JPH2: variants seen among roughly 807,000 people sequenced by gnomAD.
JPH2 encodes the protein junctophilin-2.
JPH2 carries 38 observed loss-of-function variants against 55.9 expected under a neutral mutation model. That is an observed-to-expected ratio of 0.68 (90% CI 0.52 to 0.89). JPH2 has a LOEUF of 0.89. Ranked by LOEUF, JPH2 falls within the 40% of genes least tolerant of loss-of-function variation. JPH2 has a pLI of 0.00. For missense variants in JPH2, 964 were observed against 1,037.6 expected (o/e 0.93, Z 0.97); for synonymous variants, 480 against 472.4 (o/e 1.02, Z -0.21).
rs1158318107 is a variant in JPH2, at chr20:44,116,102, T to C, written c.1573A>G (p.Thr525Ala). 21 of 1,492,566 alleles carry C rather than the reference T, an allele frequency of 1.4e-5. No homozygotes were observed. In the South Asian group the frequency reaches 2.6e-4, roughly 19 times the overall value. The allele number at this position is 1,492,566 out of a possible 1,614,324, so 92.5% of individuals were successfully genotyped here. A position where few individuals can be genotyped will look rare whatever the true frequency, so the allele number is the denominator to read the frequency against. The change falls in exon 4 of 6, where the codon ACT becomes GCT. Residue 525 changes from threonine (T) to alanine (A), a missense_variant. Thr to Ala is a moderately conservative substitution (Grantham distance 58). Transcript: ENST00000372980. ...EPSGEGSRSVTPSEGAGRRSP... is the reference protein window; with the variant it reads ...EPSGEGSRSVAPSEGAGRRSP... ...CGGCGGCCCGCGCCCTCGGACGGAG[T>C]GACTGACCGGCTGCCCTCACCGCTG...
At chr20:44,127,236 T>G (rs2072283344) in intron 2 of JPH2, among the ~76,000 whole-genome samples, 1 of 152,202 alleles carries the variant, frequency 6.6e-6, no homozygotes, top group Admixed American at 6.5e-5. Context: ...GCTTTCCACT[T>G]TTTGGTTACT....
At position 44,186,673 on chromosome 20, in the gene JPH2, T is replaced by A; in HGVS notation, c.33A>T (p.Gly11=). 7.2e-7 allele frequency: 1 copy of A among 1,388,182 alleles called. No homozygotes were observed. The highest frequency in any genetic ancestry group is 9.5e-7 in the Non-Finnish European group (1 of 1,048,250). 86.0% of individuals were successfully genotyped at this position (1,388,182 alleles called of 1,614,324 possible). A position where few individuals can be genotyped will look rare whatever the true frequency, so the allele number is the denominator to read the frequency against. Residue 11 remains glycine (G), a synonymous_variant, in exon 1 of 6, where the codon GGA becomes GGT. Coordinates refer to ENST00000372980, the MANE Select transcript of JPH2 (RefSeq NM_020433.5). MSGGRFDFDD[G]GAYCGGWEGG... ...CCTCCCAGCCCCCGCAGTACGCCCC[T>A]CCATCATCAAAGTCGAAGCGGCCCC...
At chr20:44,120,317 A>G (rs187422926) in intron 2 of JPH2, among the ~76,000 whole-genome samples, 1 of 152,266 alleles carries the variant, frequency 6.6e-6, no homozygotes, top group East Asian at 1.9e-4. Flanking sequence ...ACGTGACAGG[A>G]GCAAATTTTA....
chr20:44,125,440 C>G (rs531437111), intron 2 of JPH2, among the ~76,000 whole-genome samples: 1 of 152,302 alleles, frequency 6.6e-6, no homozygotes, highest in South Asian at 2.1e-4. Flanking sequence ...CACATATGGC[C>G]TCAGAGAGCT....
At chr20:44,167,049 C>G (rs1008285494) in intron 1 of JPH2, among the ~76,000 whole-genome samples, 2 of 152,240 alleles carry the variant, frequency 1.3e-5, no homozygotes, top group African/African-American at 4.8e-5. Flanking sequence ...ACATGCTCTT[C>G]TCTTCCCTCT....
At chr20:44,129,648 GGCCCCAAAGATATTT>G (rs1569189277) in intron 2 of JPH2, among the ~76,000 whole-genome samples, 2 of 151,782 alleles carry the variant, frequency 1.3e-5, no homozygotes, top group Non-Finnish European at 2.9e-5. Flanking sequence ...AATGAATAAT[GGCCCCAAAGATATTT>G]GGTCCTAGTG....
In JPH2 at chr20:44,116,364, C is replaced by A; in HGVS notation, c.1311G>T (p.Arg437=). The A allele has an allele frequency of 6.5e-7, 1 of 1,547,912 alleles. No individual in the cohort carries two copies. Among genetic ancestry groups the A allele is most frequent in the Non-Finnish European group, 8.7e-7 (1 of 1,146,694 alleles). Residue 437 remains arginine, a synonymous_variant, in exon 4 of 6, where the codon CGG becomes CGT. Transcript: ENST00000372980. ...YQPGPEYQKR[R]LLQEILENSE... is the part of the protein sequence containing the mutation. ...AGTTCTCCAGGATCTCCTGCAGCAG[C>A]CGGCGCTTCTGATATTCCGGACCTG...
At chr20:44,114,609 T>TGTGTGCGC (rs1491581575) in intron 5 of JPH2, among the ~76,000 whole-genome samples, 173 bp downstream of exon 5, 3 of 144,072 alleles carry the variant, frequency 2.1e-5, no homozygotes, top group African/African-American at 7.7e-5. Flanking sequence ...TGTGTGTGTG[T>TGTGTGCGC]GCGCTGGTAT....
At chr20:44,133,833 C>G (rs1464440464) in intron 2 of JPH2, among the ~76,000 whole-genome samples, 1 of 128,908 alleles carries the variant, frequency 7.8e-6, no homozygotes, top group Non-Finnish European at 1.6e-5. Flanking sequence ...TAAATATATA[C>G]TTATTATAAA....
chr20:44,175,352 C>T (rs1357697872), intron 1 of JPH2, among the ~76,000 whole-genome samples: 1 of 152,202 alleles, frequency 6.6e-6, no homozygotes, highest in Non-Finnish European at 1.5e-5. Flanking sequence ...TTTTTAAAGT[C>T]CTGTTGTACT....
chr20:44,117,978 C>G (rs1600830516), intron 3 of JPH2, among the ~76,000 whole-genome samples: 1 of 152,206 alleles, frequency 6.6e-6, no homozygotes, highest in Non-Finnish European at 1.5e-5. Context: ...GGTTAAACAC[C>G]TCACTCAAAG....
intron 2 of JPH2, among the ~76,000 whole-genome samples, chr20:44,140,708 C>T (rs1307494952): frequency 1.6e-5 from 2 of 127,520 alleles, no homozygotes; most frequent in Non-Finnish European, 3.5e-5. Context: ...ATTATGGAAA[C>T]ACCTGGGAGA....
chr20:44,159,496 G>A lies in JPH2; in HGVS notation c.1169+122C>T. The stretch of plus-strand genomic sequence containing the variant: ...CCCGAAGAGCCTCCAATTAACCCCT[G>A]AAGGTGATGGGGGTAAAAGAAGCAG... On this transcript the variant is annotated intron_variant, in intron 2 of 5. Transcript: ENST00000372980. The surrounding 1 kb of genome is among the most constrained non-coding windows in gnomAD (Gnocchi z 5.7). The A allele has an allele frequency of 1.9e-6, 2 of 1,029,468 alleles. No homozygotes were observed. Among genetic ancestry groups the A allele is most frequent in the Non-Finnish European group, 1.4e-6 (1 of 698,306 alleles). 63.8% of individuals were successfully genotyped at this position (1,029,468 alleles called of 1,614,324 possible). A position where few individuals can be genotyped will look rare whatever the true frequency, so the allele number is the denominator to read the frequency against.
At position 44,160,981 on chromosome 20, in the gene JPH2, T is replaced by C. The variant is rs1488644108; in HGVS notation, c.380-574A>G. Among the ~76,000 whole-genome samples the C allele has an allele frequency of 2.6e-5, 4 of 151,808 alleles. No individual in the cohort carries two copies. The highest frequency in any genetic ancestry group is 1.3e-4 in the Admixed American group (2 of 15,252). ...GTCCCAGCTACTAGAGAGGCTGAGGTGGGAGGATCACCTGAGCCCGGGAGG... is the reference window on the plus strand; with the variant it reads ...GTCCCAGCTACTAGAGAGGCTGAGGCGGGAGGATCACCTGAGCCCGGGAGG... On this transcript the variant is annotated intron_variant, in intron 1 of 5. Coordinates refer to ENST00000372980, the MANE Select transcript of JPH2 (RefSeq NM_020433.5). This position sits in a 1 kb window ranked among gnomAD's most constrained non-coding sequence, Gnocchi z 4.9.
At chr20:44,162,813 C>CACACACACACACACACACACAT in intron 1 of JPH2, among the ~76,000 whole-genome samples, 1 of 113,562 alleles carries the variant, frequency 8.8e-6, no homozygotes, top group Admixed American at 1.0e-4. Context: ...CACACACACA[C>CACACACACACACACACACACAT]ACACACACAC....
chr20:44,107,887 T>G lies in JPH2; in HGVS notation c.*5631A>C, dbSNP rs1241312852. On this transcript the variant is annotated 3_prime_UTR_variant, in exon 6 of 6. Coordinates refer to ENST00000372980, the MANE Select transcript of JPH2 (RefSeq NM_020433.5). ...TTTCTAAACCCTTAGGATATCCTGA[T>G]TAACAGGAGTGTCTTTGTTATTCAT... 1.3e-5 allele frequency among the ~76,000 whole-genome samples: 2 copies of G among 152,210 alleles called. No homozygotes were observed. Among genetic ancestry groups the G allele is most frequent in the African/African-American group, 2.4e-5 (1 of 41,448 alleles).
intron 4 of JPH2, 103 bp from the exon 5 acceptor site, chr20:44,114,979 C>T: frequency 1.2e-6 from 1 of 858,420 alleles, no homozygotes; most frequent in Non-Finnish European, 1.9e-6. Flanking sequence ...CTGGATGGAC[C>T]TTCCTAAGAG....
At chr20:44,173,387 T>C (rs1362367128) in intron 1 of JPH2, among the ~76,000 whole-genome samples, 1 of 152,050 alleles carries the variant, frequency 6.6e-6, no homozygotes, top group Non-Finnish European at 1.5e-5. Context: ...TGCCTCAGTA[T>C]AAAAAAGCCA....
At position 44,159,477 on chromosome 20, in the gene JPH2, G is replaced by A; in HGVS notation, c.1169+141C>T. ...TGAACAGGAGCCACCAGCTCCCGAAGAGCCTCCAATTAACCCCTGAAGGTG... is the reference window on the plus strand; with the variant it reads ...TGAACAGGAGCCACCAGCTCCCGAAAAGCCTCCAATTAACCCCTGAAGGTG... On this transcript the variant is annotated intron_variant, in intron 2 of 5. Transcript: ENST00000372980. This position sits in a 1 kb window ranked among gnomAD's most constrained non-coding sequence, Gnocchi z 5.7. 1.2e-6 allele frequency: 1 copy of A among 837,560 alleles called. No homozygotes were observed. The highest frequency in any genetic ancestry group is 1.9e-6 in the Non-Finnish European group (1 of 535,488). 51.9% of individuals were successfully genotyped at this position (837,560 alleles called of 1,614,324 possible). A position where few individuals can be genotyped will look rare whatever the true frequency, so the allele number is the denominator to read the frequency against.
Sources: gnomAD v4.1 joint callset for allele counts (sites outside exome capture counted in the v4.1 genomes callset) on GRCh38, gnomAD v4.1.1 for gene constraint, Gnocchi (gnomAD v3.1) non-coding constraint, MANE v1.5 for transcripts, NCBI Gene and HGNC (gene_info 2026-07-23, HGNC 2026-07-21) for gene names.